FDX1: variants seen among roughly 807,000 people sequenced by gnomAD.
The protein encoded by FDX1 is ferredoxin 1, also known as adrenodoxin, mitochondrial.
A neutral mutation model predicts 14.9 loss-of-function variants in FDX1; 9 were observed. The ratio of observed to expected loss-of-function variants is 0.60; its 90% confidence interval spans 0.36 to 1.05. FDX1 has a LOEUF of 1.05. FDX1 is among the 50% of genes least tolerant of loss of function. The pLI is 0.01. For missense variants in FDX1, 204 were observed against 237.2 expected, an observed-to-expected ratio of 0.86 and a Z score of 0.92; for synonymous variants, 92 against 99.4, an observed-to-expected ratio of 0.93 and a Z score of 0.44.
chr11:110,449,598 C>T (rs957821930), intron 2 of FDX1, among the ~76,000 whole-genome samples: 1 of 152,064 alleles, frequency 6.6e-6, no homozygotes, highest in Non-Finnish European at 1.5e-5. Flanking sequence ...ACTGCAGTCA[C>T]CATGCTGTTG....
At chr11:110,461,020 A>G (rs182536231) in intron 3 of FDX1, among the ~76,000 whole-genome samples, 6 of 152,318 alleles carry the variant, frequency 3.9e-5, no homozygotes, top group African/African-American at 1.4e-4. Flanking sequence ...TGAATATCAG[A>G]TTTCATCAAA....
rs563481767 is a variant in FDX1 at position 110,431,904 on chromosome 11, A to G, written c.185+1599A>G. 9.2e-5 allele frequency among the ~76,000 whole-genome samples: 14 copies of G among 152,298 alleles called. No individual in the cohort carries two copies. In the South Asian group the frequency reaches 2.9e-3, roughly 32 times the overall value. On this transcript the variant is annotated intron_variant, in intron 1 of 3. Transcript: ENST00000260270. ...TGGATTTTCCAGTTCTTACTGTGTT[A>G]ATGAGACTTGTGCTGTAACTACCGT... is the stretch of plus-strand genomic sequence containing the variant.
At chr11:110,440,999 C>T (rs1208740043) in intron 2 of FDX1, among the ~76,000 whole-genome samples, 1 of 152,168 alleles carries the variant, frequency 6.6e-6, no homozygotes, top group African/African-American at 2.4e-5. Context: ...CTTTCTTATG[C>T]TGTTCTTGTG....
Position 110,437,242 on chromosome 11 carries a change from C to T in FDX1, c.310+1284C>T, listed in dbSNP as rs61900245. Among the ~76,000 whole-genome samples the T allele has an allele frequency of 4.8e-3, 731 of 152,318 alleles. 2 individuals carry two copies. The highest frequency in any genetic ancestry group is 0.016 in the African/African-American group (684 of 41,556). On this transcript the variant is annotated intron_variant, in intron 2 of 3. Transcript: ENST00000260270. ...CTCCTGGGCTCAAGAGATCTTCCTGCCTTGGCCTCCCAAAGTGCTGGCATT... is the reference window on the plus strand; with the variant it reads ...CTCCTGGGCTCAAGAGATCTTCCTGTCTTGGCCTCCCAAAGTGCTGGCATT...
intron 2 of FDX1, among the ~76,000 whole-genome samples, chr11:110,441,753 AT>A (rs1310652176): frequency 2.0e-5 from 3 of 152,212 alleles, no homozygotes; most frequent in Non-Finnish European, 4.4e-5. Flanking sequence ...CTGGGGAAAA[AT>A]TCAAGCTGGC....
At chr11:110,450,037 C>T (rs943448519) in intron 2 of FDX1, among the ~76,000 whole-genome samples, 2 of 152,118 alleles carry the variant, frequency 1.3e-5, no homozygotes, top group Admixed American at 6.6e-5. Flanking sequence ...TGGTAACTAC[C>T]GTTGTATTTT....
intron 3 of FDX1, among the ~76,000 whole-genome samples, chr11:110,457,590 A>T (rs1005008590): frequency 6.6e-5 from 10 of 152,088 alleles, no homozygotes; most frequent in African/African-American, 1.9e-4. Context: ...CTTATTTTTT[A>T]AAAAAATTAT....
chr11:110,460,417 C>A (rs1169558693), intron 3 of FDX1, among the ~76,000 whole-genome samples: 4 of 152,212 alleles, frequency 2.6e-5, no homozygotes, highest in Non-Finnish European at 5.9e-5. Flanking sequence ...AGCTAAAACA[C>A]CCATCTTGCT....
chr11:110,461,048 G>A (rs1404511489), intron 3 of FDX1, among the ~76,000 whole-genome samples: 1 of 152,182 alleles, frequency 6.6e-6, no homozygotes, highest in Non-Finnish European at 1.5e-5. Context: ...CATGTCAATT[G>A]TAAGATTAAC....
chr11:110,433,248 C>T (rs1946342574), intron 1 of FDX1, among the ~76,000 whole-genome samples: 1 of 152,246 alleles, frequency 6.6e-6, no homozygotes, highest in Admixed American at 6.5e-5. Context: ...CTAGACTTCT[C>T]TGCTGGGCTC....
At position 110,432,167 on chromosome 11, in the gene FDX1, C is replaced by T. The variant is rs923816410; in HGVS notation, c.185+1862C>T. On this transcript the variant is annotated intron_variant, in intron 1 of 3. Coordinates refer to ENST00000260270, the MANE Select transcript of FDX1 (RefSeq NM_004109.5). ...GTTCTGTCTTTGAAGTTTAACAACTCGATAAGCTATCAGTAATTGAGAGTC... is the reference window on the plus strand; with the variant it reads ...GTTCTGTCTTTGAAGTTTAACAACTTGATAAGCTATCAGTAATTGAGAGTC... 3.3e-5 allele frequency among the ~76,000 whole-genome samples: 5 copies of T among 151,992 alleles called. No individual in the cohort carries two copies. In the South Asian group the frequency reaches 6.2e-4, roughly 19 times the overall value.
At chr11:110,447,351 G>C (rs972777004) in intron 2 of FDX1, among the ~76,000 whole-genome samples, 1 of 150,838 alleles carries the variant, frequency 6.6e-6, no homozygotes, top group East Asian at 1.9e-4. Flanking sequence ...CTACTTGGGA[G>C]GCTGAGGCAG....
chr11:110,444,632 A>C, intron 2 of FDX1, among the ~76,000 whole-genome samples: 2 of 84,830 alleles, frequency 2.4e-5, no homozygotes, highest in East Asian at 5.9e-4. Context: ...AAGAAAATAT[A>C]TGTGTGTGTG....
At chr11:110,454,446 A>G (rs925007884) in intron 2 of FDX1, among the ~76,000 whole-genome samples, 2 of 152,192 alleles carry the variant, frequency 1.3e-5, no homozygotes, top group Non-Finnish European at 2.9e-5. Context: ...TTTAATGTAT[A>G]AGTAAGGCAA....
Position 110,430,240 on chromosome 11 carries a change from C to T in FDX1, c.120C>T (p.Asn40=). Residue 40 remains asparagine (N), a synonymous_variant, in exon 1 of 4, where the codon AAC becomes AAT. Coordinates refer to ENST00000260270, the MANE Select transcript of FDX1 (RefSeq NM_004109.5). ...CTGGATCCAGCGGCCTGCTGAGGAA[C>T]CGGGGGCCGGGCGGGAGCGCGGAGG... The part of the protein sequence containing the change: ...SRAGSSGLLR[N]RGPGGSAEAS... 4.1e-6 allele frequency: 5 copies of T among 1,206,404 alleles called. No homozygotes were observed. Among genetic ancestry groups the T allele is most frequent in the Non-Finnish European group, 5.1e-6 (5 of 971,686 alleles). The allele number at this position is 1,206,404 out of a possible 1,614,324, so 74.7% of individuals were successfully genotyped here.
intron 3 of FDX1, 68 bp downstream of exon 3, chr11:110,457,115 A>G (rs934469146): frequency 1.2e-5 from 17 of 1,410,230 alleles, no homozygotes; most frequent in South Asian, 3.9e-5. Context: ...TATGTTGTCT[A>G]TGTAAGACCA....
chr11:110,444,716 A>ATG (rs1946435294), intron 2 of FDX1, among the ~76,000 whole-genome samples: 6 of 78,388 alleles, frequency 7.7e-5, no homozygotes, highest in African/African-American at 3.3e-4. Context: ...GTATATATAT[A>ATG]TATATACGTA....
At chr11:110,442,309 G>A (rs1946409998) in intron 2 of FDX1, among the ~76,000 whole-genome samples, 1 of 152,184 alleles carries the variant, frequency 6.6e-6, no homozygotes, top group Non-Finnish European at 1.5e-5. Flanking sequence ...ACCTCAGAAT[G>A]GTAGATCCAC....
intron 2 of FDX1, among the ~76,000 whole-genome samples, chr11:110,452,767 A>G (rs1946494950): frequency 6.6e-6 from 1 of 152,232 alleles, no homozygotes; most frequent in Non-Finnish European, 1.5e-5. Flanking sequence ...GGAGCAAACT[A>G]TAGATACATG....
Sources: gnomAD v4.1 joint callset for allele counts (sites outside exome capture counted in the v4.1 genomes callset) on GRCh38, gnomAD v4.1.1 for gene constraint, MANE v1.5 for transcripts, NCBI Gene and HGNC (gene_info 2026-07-23, HGNC 2026-07-21) for gene names.